THSD7A: variants seen among roughly 807,000 people sequenced by gnomAD.
The protein encoded by THSD7A is thrombospondin type 1 domain containing 7A.
THSD7A carries 96 observed loss-of-function variants against 231.3 expected under a neutral mutation model. The ratio of observed to expected loss-of-function variants is 0.41; its 90% CI spans 0.35 to 0.49. The LOEUF is 0.49. Among genes scored for constraint, THSD7A ranks in the 20% least tolerant of loss-of-function variants. THSD7A has a pLI of 0.05. For synonymous variants in THSD7A, 940 were observed against 743.3 expected, an observed-to-expected ratio of 1.26 and a Z score of -4.30; for missense variants, 2,290 against 2,070.2, an observed-to-expected ratio of 1.11 and a Z score of -2.06.
At chr7:11,726,553 T>C (rs891120416) in intron 1 of THSD7A, among the ~76,000 whole-genome samples, 4 of 152,026 alleles carry the variant, frequency 2.6e-5, no homozygotes, top group African/African-American at 9.7e-5. Flanking sequence ...TTGATTTTTT[T>C]TGCACCCTAA....
intron 4 of THSD7A, among the ~76,000 whole-genome samples, chr7:11,546,202 G>GCGCGCGCGCGCGCACA (rs761841418): frequency 7.7e-6 from 1 of 129,374 alleles, no homozygotes; most frequent in African/African-American, 2.9e-5. Context: ...GTGGGCGCGC[G>GCGCGCGCGCGCGCACA]CTCACACACA....
chr7:11,825,241 C>T (rs1267609662), intron 1 of THSD7A, among the ~76,000 whole-genome samples: 1 of 152,032 alleles, frequency 6.6e-6, no homozygotes, highest in East Asian at 1.9e-4. Context: ...CTATTTATTA[C>T]CTGTTGAAAA....
intron 25 of THSD7A, 29 bp downstream of exon 25, chr7:11,379,601 C>T (rs1296336784): frequency 6.4e-7 from 1 of 1,552,346 alleles, no homozygotes; most frequent in African/African-American, 1.4e-5. Context: ...ATGGAGCTGG[C>T]TTGTCTGCCC....
intron 2 of THSD7A, among the ~76,000 whole-genome samples, chr7:11,611,091 C>A (rs1170435936): frequency 6.6e-6 from 1 of 152,040 alleles, no homozygotes; most frequent in African/African-American, 2.4e-5. Flanking sequence ...TGTTAAGGGA[C>A]CTTGCTTCAA....
At chr7:11,728,465 G>C (rs900415734) in intron 1 of THSD7A, among the ~76,000 whole-genome samples, 5 of 151,896 alleles carry the variant, frequency 3.3e-5, no homozygotes, top group Admixed American at 6.6e-5. Context: ...ATGAATTGAA[G>C]GCTGCACAAA....
chr7:11,379,154 T>C lies in THSD7A; in HGVS notation c.4717A>G (p.Thr1573Ala). 6.2e-7 allele frequency: 1 copy of C among 1,613,640 alleles called. No individual in the cohort carries two copies. The highest frequency in any genetic ancestry group is 8.5e-7 in the Non-Finnish European group (1 of 1,179,712). ...TMEDKRGDVK[T>A]SRAVHPTQPS... ...TGGGTTGGATGTACAGCCCGACTGG[T>C]TTTCACATCTCCTCTTTTGTCCTCC... The change falls in exon 26 of 28, where the codon ACC becomes GCC. Residue 1573 changes from threonine (T) to alanine (A), a missense_variant. Transcript: ENST00000423059.
At chr7:11,475,180 A>G (rs950549821) in intron 7 of THSD7A, among the ~76,000 whole-genome samples, 2 of 152,166 alleles carry the variant, frequency 1.3e-5, no homozygotes, top group Non-Finnish European at 2.9e-5. Context: ...AGAAGCTATT[A>G]GTGTGAAGAG....
At chr7:11,453,451 T>C (rs796942047) in intron 11 of THSD7A, among the ~76,000 whole-genome samples, 40 of 152,042 alleles carry the variant, frequency 2.6e-4, no homozygotes, top group African/African-American at 9.2e-4. Flanking sequence ...ATTTTTCTTT[T>C]TTGTGGTCTA....
intron 1 of THSD7A, among the ~76,000 whole-genome samples, chr7:11,648,282 G>A (rs543509212): frequency 2.0e-5 from 3 of 152,006 alleles, no homozygotes; most frequent in South Asian, 4.2e-4. Flanking sequence ...TGCAAGTAGC[G>A]CCAAAATATT....
chr7:11,551,391 T>G (rs1789620443), intron 4 of THSD7A, among the ~76,000 whole-genome samples: 1 of 151,934 alleles, frequency 6.6e-6, no homozygotes, highest in Non-Finnish European at 1.5e-5. Context: ...AAAGAAACTA[T>G]CCACTGAGTA....
chr7:11,527,273 T>G (rs954606306), intron 6 of THSD7A, among the ~76,000 whole-genome samples: 1 of 152,206 alleles, frequency 6.6e-6, no homozygotes, highest in African/African-American at 2.4e-5. Flanking sequence ...TGACAACATG[T>G]CATTTCTATC....
At chr7:11,659,064 G>A (rs1270513361) in intron 1 of THSD7A, among the ~76,000 whole-genome samples, 1 of 151,598 alleles carries the variant, frequency 6.6e-6, no homozygotes, top group African/African-American at 2.4e-5. Context: ...CACACACACA[G>A]ACACTCCTAT....
chr7:11,448,781 A>G (rs923653365), intron 11 of THSD7A, among the ~76,000 whole-genome samples: 1 of 152,096 alleles, frequency 6.6e-6, no homozygotes, highest in African/African-American at 2.4e-5. Flanking sequence ...AGGCCCTTCT[A>G]AATTGTTCAA....
At chr7:11,743,584 C>A (rs768014990) in intron 1 of THSD7A, among the ~76,000 whole-genome samples, 1 of 151,632 alleles carries the variant, frequency 6.6e-6, no homozygotes, top group Non-Finnish European at 1.5e-5. Context: ...TTAATATATC[C>A]TTCTTGGAAA....
chr7:11,491,432 C>G (rs566932040), intron 6 of THSD7A, among the ~76,000 whole-genome samples: 2 of 151,808 alleles, frequency 1.3e-5, no homozygotes, highest in Non-Finnish European at 2.9e-5. Flanking sequence ...CTCTGGACTA[C>G]GTAATTAACA....
At chr7:11,556,057 C>G (rs138412858) in intron 4 of THSD7A, among the ~76,000 whole-genome samples, 2 of 151,662 alleles carry the variant, frequency 1.3e-5, no homozygotes, top group East Asian at 1.9e-4. Flanking sequence ...AATTAGTATA[C>G]TTAGACTATT....
intron 23 of THSD7A, among the ~76,000 whole-genome samples, chr7:11,383,214 A>T (rs1782594175): frequency 6.6e-6 from 1 of 151,992 alleles, no homozygotes; most frequent in South Asian, 2.1e-4. Flanking sequence ...AATTTTAAAA[A>T]TGTATCCTAT....
At chr7:11,732,993 G>T (rs955673707) in intron 1 of THSD7A, among the ~76,000 whole-genome samples, 2 of 151,702 alleles carry the variant, frequency 1.3e-5, no homozygotes, top group Admixed American at 6.6e-5. Context: ...TATCTAAGCA[G>T]TATTTGGTAA....
At chr7:11,395,982 A>T (rs1783171202) in intron 23 of THSD7A, among the ~76,000 whole-genome samples, 1 of 152,248 alleles carries the variant, frequency 6.6e-6, no homozygotes, top group African/African-American at 2.4e-5. Context: ...GTCAGGATTA[A>T]GAAACCCACT....
Sources: gnomAD v4.1 joint callset for allele counts (sites outside exome capture counted in the v4.1 genomes callset) on GRCh38, gnomAD v4.1.1 for gene constraint, MANE v1.5 for transcripts, NCBI Gene and HGNC (gene_info 2026-07-23, HGNC 2026-07-21) for gene names.